Variants in CLTCL1 observed in about 807,000 individuals in gnomAD.
CLTCL1 encodes the protein clathrin heavy chain like 1.
Under a neutral mutation model 190.0 loss-of-function variants are expected in CLTCL1, and 159 were observed. The observed-to-expected ratio is 0.84, with a 90% CI of 0.74 to 0.95. The LOEUF (loss-of-function observed/expected upper bound fraction) is 0.95. CLTCL1 is among the 40% of genes least tolerant of loss of function. The pLI, the probability that CLTCL1 is intolerant of heterozygous loss-of-function variation, is 0.00. For synonymous variants in CLTCL1, 752 were observed against 769.6 expected, an observed-to-expected ratio of 0.98 and a Z score of 0.38; for missense variants, 1,878 against 2,033.4, an observed-to-expected ratio of 0.92 and a Z score of 1.47.
At chr22:19,289,821 G>C (rs1555992246) in intron 1 of CLTCL1, among the ~76,000 whole-genome samples, 24 of 152,196 alleles carry the variant, frequency 1.6e-4, no homozygotes. Flanking sequence ...TAAGTCTGCA[G>C]CCATATAGGT....
intron 1 of CLTCL1, among the ~76,000 whole-genome samples, chr22:19,281,641 G>C (rs1288606340): frequency 1.3e-5 from 2 of 152,180 alleles, no homozygotes; most frequent in Non-Finnish European, 2.9e-5. Flanking sequence ...GCTTTAGCAG[G>C]ATAGGACTGG....
intron 3 of CLTCL1, among the ~76,000 whole-genome samples, chr22:19,248,212 G>C (rs1023477042): frequency 6.6e-6 from 1 of 151,928 alleles, no homozygotes; most frequent in Non-Finnish European, 1.5e-5. Flanking sequence ...CAGTAGAATC[G>C]CTTGAACCCG....
rs2084354962 is a variant in CLTCL1, at chr22:19,187,612, G to A, written c.4551C>T (p.Gly1517=). The A allele has an allele frequency of 6.2e-7, 1 of 1,613,542 alleles. No individual in the cohort carries two copies. Reference sequence around the variant, plus strand: ...CCACGCTCTGGGCCCACCAGTTATTGCCCTTGTACAGATAGGCCGCAATGC... The same window carrying A: ...CCACGCTCTGGGCCCACCAGTTATTACCCTTGTACAGATAGGCCGCAATGC... ...FRCIAAYLYK[G]NNWWAQSVEL... The change falls in exon 29 of 33, where the codon GGC becomes GGT. Residue 1517 remains glycine, a synonymous_variant. Coordinates refer to ENST00000427926, the MANE Select transcript of CLTCL1 (RefSeq NM_007098.4).
At chr22:19,191,056 G>A (rs907551069) in intron 27 of CLTCL1, among the ~76,000 whole-genome samples, 1 of 152,150 alleles carries the variant, frequency 6.6e-6, no homozygotes, top group Non-Finnish European at 1.5e-5. Context: ...GATTACAGGC[G>A]TGAGCCACCG....
At chr22:19,273,893 G>C (rs2146279335) in intron 2 of CLTCL1, among the ~76,000 whole-genome samples, 1 of 152,156 alleles carries the variant, frequency 6.6e-6, no homozygotes, top group East Asian at 1.9e-4. Context: ...CTCTCCCACT[G>C]CAACAGTAAA....
intron 2 of CLTCL1, chr22:19,258,577 C>T (rs928820908): frequency 1.7e-6 from 1 of 604,734 alleles, no homozygotes; most frequent in African/African-American, 1.8e-5. Context: ...CAGACCTGGG[C>T]AGAGGGACAG....
chr22:19,192,547 G>A (rs1470882181), intron 26 of CLTCL1, among the ~76,000 whole-genome samples: 1 of 152,172 alleles, frequency 6.6e-6, no homozygotes, highest in Non-Finnish European at 1.5e-5. Context: ...AGTCATGCTG[G>A]GATCCCAGGG....
At chr22:19,219,693 A>G (rs1444854400) in intron 18 of CLTCL1, among the ~76,000 whole-genome samples, 192 bp downstream of exon 18, 3 of 152,096 alleles carry the variant, frequency 2.0e-5, no homozygotes, top group Non-Finnish European at 2.9e-5. Flanking sequence ...CACGTTGGCC[A>G]GGCTGGTCTT....
intron 11 of CLTCL1, among the ~76,000 whole-genome samples, chr22:19,227,475 G>A (rs1417167910): frequency 7.3e-6 from 1 of 136,798 alleles, no homozygotes; most frequent in Admixed American, 7.6e-5. Context: ...TTTTTGAGAT[G>A]GAGTCTCGCT....
intron 26 of CLTCL1, among the ~76,000 whole-genome samples, chr22:19,192,696 C>A (rs2084554454): frequency 6.6e-6 from 1 of 152,208 alleles, no homozygotes; most frequent in Non-Finnish European, 1.5e-5. Context: ...CTTCTTTCTC[C>A]TTCTCTTTTC....
intron 2 of CLTCL1, chr22:19,258,092 G>T: frequency 4.7e-6 from 2 of 429,158 alleles, no homozygotes; most frequent in South Asian, 3.6e-5. Flanking sequence ...GGTCACTGAT[G>T]ACACCAGTGT....
chr22:19,258,325 A>G, intron 2 of CLTCL1: 1 of 414,036 alleles, frequency 2.4e-6, no homozygotes, highest in South Asian at 2.0e-5. Context: ...CTGGACAGGT[A>G]CTGATCCCAG....
chr22:19,233,598 C>G lies in CLTCL1; in HGVS notation c.1192G>C (p.Val398Leu). Residue 398 changes from valine to leucine, a missense_variant, in exon 8 of 33, where the codon GTC becomes CTC. Coordinates refer to ENST00000427926, the MANE Select transcript of CLTCL1 (RefSeq NM_007098.4). The stretch of plus-strand genomic sequence containing the variant: ...GCGGGTATACTCTGGAATTTCTGGA[C>G]CGTCTCTCTGGTACGCAGGATTCCC... ...PKGILRTRETVQKFQSIPAQS... is the reference protein window; with the variant it reads ...PKGILRTRETLQKFQSIPAQS... 5.0e-6 allele frequency: 8 copies of G among 1,613,478 alleles called. No individual in the cohort carries two copies. The highest frequency in any genetic ancestry group is 6.8e-6 in the Non-Finnish European group (8 of 1,179,876).
At chr22:19,266,916 T>TC (rs1742375843) in intron 2 of CLTCL1, among the ~76,000 whole-genome samples, 2 of 152,080 alleles carry the variant, frequency 1.3e-5, no homozygotes, top group African/African-American at 4.8e-5. Context: ...GGCTAAAAAC[T>TC]CCCCCCTAAG....
At chr22:19,196,235 G>A in intron 26 of CLTCL1, 31 bp downstream of exon 26, 3 of 1,602,960 alleles carry the variant, frequency 1.9e-6, no homozygotes, top group Admixed American at 1.7e-5. Flanking sequence ...GCAGAGGCTG[G>A]CAGGAGCCAG....
At chr22:19,201,237 C>G in intron 23 of CLTCL1, 92 bp downstream of exon 23, 1 of 1,419,406 alleles carries the variant, frequency 7.0e-7, no homozygotes, top group Non-Finnish European at 9.4e-7. Context: ...GGCAAGAGAC[C>G]GGCACCCAGA....
At chr22:19,227,449 C>CT (rs1216657802) in intron 11 of CLTCL1, among the ~76,000 whole-genome samples, 2,485 of 125,302 alleles carry the variant, frequency 0.02, 54 homozygotes, top group South Asian at 0.045. Context: ...CACCTGGCTA[C>CT]TTTTTTTTTT....
chr22:19,267,599 G>A (rs1331454563), intron 2 of CLTCL1, among the ~76,000 whole-genome samples: 1 of 152,078 alleles, frequency 6.6e-6, no homozygotes, highest in African/African-American at 2.4e-5. Flanking sequence ...GTGCAAGAAT[G>A]GGCACAGATC....
At chr22:19,258,378 G>T (rs868954551) in intron 2 of CLTCL1, 5 of 419,976 alleles carry the variant, frequency 1.2e-5, no homozygotes, top group East Asian at 5.5e-5. Flanking sequence ...GCAGTCCACC[G>T]AGATCAGAGC....
Sources: allele counts gnomAD v4.1 joint callset (sites outside exome capture counted in the v4.1 genomes callset), GRCh38; gene constraint gnomAD v4.1.1; transcripts MANE v1.5; gene names NCBI Gene and HGNC (gene_info 2026-07-23, HGNC 2026-07-21).